The following PLD5 variants were observed in gnomAD, a reference collection of about 807,000 sequenced individuals.
PLD5 encodes inactive phospholipase D5.
In PLD5, 36 loss-of-function variants were observed where a neutral mutation model predicts 61.1. That is an observed-to-expected ratio of 0.59 (90% CI 0.45 to 0.78). PLD5 has a LOEUF of 0.78. PLD5 is among the 30% of genes least tolerant of loss of function. PLD5 has a pLI of 0.00. For synonymous variants in PLD5, 243 were observed against 242.8 expected (o/e 1.00, Z -0.01); for missense variants, 515 against 644.4 (o/e 0.80, Z 2.17).
intron 6 of PLD5, among the ~76,000 whole-genome samples, chr1:242,116,532 G>C (rs1056233910): frequency 6.6e-6 from 1 of 152,184 alleles, no homozygotes; most frequent in Non-Finnish European, 1.5e-5. Flanking sequence ...AGTGAGAATA[G>C]TACTCAATAG....
At chr1:242,138,704 G>A (rs1036158129) in intron 5 of PLD5, among the ~76,000 whole-genome samples, 3 of 152,218 alleles carry the variant, frequency 2.0e-5, no homozygotes, top group African/African-American at 4.8e-5. Context: ...AGGCCAATCT[G>A]CTCACGTGGG....
At chr1:242,300,591 TTGG>T (rs1445700210) in intron 2 of PLD5, among the ~76,000 whole-genome samples, 1 of 151,632 alleles carries the variant, frequency 6.6e-6, no homozygotes, top group Non-Finnish European at 1.5e-5. Context: ...GGCAAAGGGG[TTGG>T]TGAAGAGTTA....
At chr1:242,423,722 C>T (rs1257813796) in intron 1 of PLD5, among the ~76,000 whole-genome samples, 3 of 152,132 alleles carry the variant, frequency 2.0e-5, no homozygotes, top group African/African-American at 4.8e-5. Context: ...ATCCCCTTAT[C>T]AGAATTGACA....
chr1:242,279,811 C>T (rs1404449069), intron 3 of PLD5, among the ~76,000 whole-genome samples: 1 of 152,210 alleles, frequency 6.6e-6, no homozygotes, highest in Non-Finnish European at 1.5e-5. Context: ...GGATTACAGG[C>T]GTTGGCCACC....
intron 1 of PLD5, among the ~76,000 whole-genome samples, chr1:242,392,927 GCC>G (rs1553365712): frequency 3.3e-5 from 5 of 152,030 alleles, no homozygotes; most frequent in Non-Finnish European, 7.4e-5. Flanking sequence ...TTTAGGCAGG[GCC>G]GCAGTGGCTC....
intron 9 of PLD5, among the ~76,000 whole-genome samples, chr1:242,099,371 C>G (rs967342453): frequency 6.6e-6 from 1 of 152,196 alleles, no homozygotes; most frequent in African/African-American, 2.4e-5. Context: ...AGGTGATCCA[C>G]CTGCCTCAGC....
chr1:242,092,596 G>A (rs1659919946), intron 9 of PLD5, among the ~76,000 whole-genome samples: 1 of 152,176 alleles, frequency 6.6e-6, no homozygotes, highest in Admixed American at 6.5e-5. Flanking sequence ...GCAGGCTTTA[G>A]GTGGAGATAT....
At chr1:242,117,977 C>T (rs370535723) in intron 6 of PLD5, among the ~76,000 whole-genome samples, 1,465 of 41,588 alleles carry the variant, frequency 0.035, 28 homozygotes, top group African/African-American at 0.22. Context: ...TGTCCAAATG[C>T]TCACATTTGT....
chr1:242,315,865 G>A (rs1026817509), intron 2 of PLD5, among the ~76,000 whole-genome samples: 4 of 152,178 alleles, frequency 2.6e-5, no homozygotes, highest in Admixed American at 6.5e-5. Context: ...CACTTACCTC[G>A]GGAAAATTAG....
At chr1:242,361,328 C>A (rs1253831343) in intron 1 of PLD5, among the ~76,000 whole-genome samples, 6 of 152,128 alleles carry the variant, frequency 3.9e-5, no homozygotes, top group Non-Finnish European at 8.8e-5. Context: ...CACTACTTTC[C>A]TTAGCCTCAT....
At chr1:242,420,917 GC>G (rs1451468134) in intron 1 of PLD5, among the ~76,000 whole-genome samples, 4 of 152,080 alleles carry the variant, frequency 2.6e-5, no homozygotes, top group South Asian at 4.1e-4. Flanking sequence ...AGTGGTTCAC[GC>G]CTGTAATCCC....
At chr1:242,442,432 A>C (rs527917103) in intron 1 of PLD5, among the ~76,000 whole-genome samples, 7 of 152,354 alleles carry the variant, frequency 4.6e-5, no homozygotes, top group Middle Eastern at 3.4e-3. Context: ...GCACTGTTAC[A>C]TAAATGGGAT....
chr1:242,321,413 C>G (rs796684855), intron 2 of PLD5, among the ~76,000 whole-genome samples: 2 of 151,850 alleles, frequency 1.3e-5, no homozygotes, highest in African/African-American at 4.8e-5. Context: ...ATGTGGTTCT[C>G]CTGCCTCAGC....
chr1:242,268,794 G>C (rs1673870507), intron 3 of PLD5, among the ~76,000 whole-genome samples: 1 of 152,100 alleles, frequency 6.6e-6, no homozygotes, highest in Non-Finnish European at 1.5e-5. Flanking sequence ...TCTGTGCAGA[G>C]ATCTGCAGTA....
intron 4 of PLD5, among the ~76,000 whole-genome samples, chr1:242,246,037 G>A (rs1400190682): frequency 6.6e-6 from 1 of 152,118 alleles, no homozygotes; most frequent in African/African-American, 2.4e-5. Context: ...ACCCTAGGCA[G>A]TAGCTACTAT....
intron 5 of PLD5, among the ~76,000 whole-genome samples, chr1:242,171,996 C>CAACG (rs1248010160): frequency 1.3e-5 from 2 of 152,072 alleles, no homozygotes; most frequent in African/African-American, 4.8e-5. Context: ...GACAGAAAAT[C>CAACG]AACGAAGATA....
rs1163020841 is a variant in PLD5, at chr1:242,502,156, CTT to C, written c.189+21930_189+21931del. Among the ~76,000 whole-genome samples the C allele has an allele frequency of 2.6e-5, 4 of 152,288 alleles. No individual in the cohort carries two copies. The East Asian group carries it at 7.7e-4, about 29-fold the overall frequency. ...CTGAATTTCAGACACACATCTAACT[CTT>C]GTTAGACCTCTCCACTGCAATGTCT... On this transcript the variant is annotated intron_variant, in intron 1 of 9. Coordinates refer to ENST00000536534, the MANE Select transcript of PLD5 (RefSeq NM_001372062.1).
chr1:242,398,703 CGAG>C (rs1407500895), intron 1 of PLD5, among the ~76,000 whole-genome samples: 2 of 151,986 alleles, frequency 1.3e-5, no homozygotes, highest in East Asian at 3.9e-4. Context: ...ACCAGTACAA[CGAG>C]GAGAATAATA....
intron 1 of PLD5, among the ~76,000 whole-genome samples, chr1:242,470,408 G>T (rs989447852): frequency 6.6e-6 from 1 of 151,506 alleles, no homozygotes; most frequent in Non-Finnish European, 1.5e-5. Flanking sequence ...AATTGGGAAA[G>T]GCTGTAGAAT....
Sources: allele counts gnomAD v4.1 joint callset (sites outside exome capture counted in the v4.1 genomes callset), GRCh38; gene constraint gnomAD v4.1.1; transcripts MANE v1.5; gene names NCBI Gene and HGNC (gene_info 2026-07-23, HGNC 2026-07-21).